The following RGS3 variants were observed in gnomAD, a reference collection of about 807,000 sequenced individuals.
RGS3 encodes regulator of G protein signaling 3, also known as regulator of G-protein signalling 3.
A neutral mutation model predicts 132.6 loss-of-function variants in RGS3; 80 were observed. The observed-to-expected ratio is 0.60, with a 90% CI of 0.50 to 0.73. The LOEUF (loss-of-function observed/expected upper bound fraction) is 0.73, where lower values mean the gene tolerates loss of function less well. Among genes scored for constraint, RGS3 ranks in the 30% least tolerant of loss-of-function variants. The pLI is 0.00. For synonymous variants in RGS3, 598 were observed against 620.6 expected, an observed-to-expected ratio of 0.96 and a Z score of 0.54; for missense variants, 1,382 against 1,530.8, an observed-to-expected ratio of 0.90 and a Z score of 1.62.
At chr9:113,513,881 C>T (rs908539041) in intron 14 of RGS3, among the ~76,000 whole-genome samples, 4 of 152,208 alleles carry the variant, frequency 2.6e-5, no homozygotes, top group African/African-American at 9.6e-5. Context: ...TTGGTCTCCG[C>T]TGCCACTGCT....
exon 20 of RGS3, chr9:113,583,942 G>A (rs773853984): frequency 6.2e-7 from 1 of 1,614,092 alleles, no homozygotes; most frequent in South Asian, 1.1e-5. Context: ...AGCAGCTACT[G>A]GGGACCCACC....
At chr9:113,464,628 G>T (rs1040061701) in intron 3 of RGS3, among the ~76,000 whole-genome samples, 3 of 152,196 alleles carry the variant, frequency 2.0e-5, no homozygotes, top group African/African-American at 7.2e-5. Context: ...TGTGGAGAGG[G>T]GTTATTTTTC....
intron 10 of RGS3, among the ~76,000 whole-genome samples, chr9:113,499,408 CAGGT>C (rs955891806): frequency 1.3e-5 from 2 of 152,224 alleles, no homozygotes; most frequent in African/African-American, 4.8e-5. Flanking sequence ...ACACAGCTGG[CAGGT>C]GGTGAAGGCA....
chr9:113,549,002 G>T (rs2118728966), intron 19 of RGS3, among the ~76,000 whole-genome samples: 1 of 152,292 alleles, frequency 6.6e-6, no homozygotes, highest in East Asian at 1.9e-4. Flanking sequence ...CCCCTCCCTT[G>T]CTGACTTGTC....
chr9:113,495,990 A>ATAGCAGCACTGTGTTTATTACCTGCC, intron 8 of RGS3, 144 bp downstream of exon 6: 2 of 745,522 alleles, frequency 2.7e-6, no homozygotes, highest in Non-Finnish European at 4.8e-6. Context: ...GGTGGCCTGC[A>ATAGCAGCACTGTGTTTATTACCTGCC]TAGCAGCACT....
At chr9:113,548,246 G>T (rs944234242) in intron 19 of RGS3, among the ~76,000 whole-genome samples, 2 of 152,188 alleles carry the variant, frequency 1.3e-5, no homozygotes, top group African/African-American at 4.8e-5. Flanking sequence ...CTGGGGGCAG[G>T]AAAGGGGTCA....
intron 5 of RGS3, 134 bp from the exon 4 acceptor site, chr9:113,484,004 C>T: frequency 1.8e-6 from 1 of 557,590 alleles, no homozygotes; most frequent in East Asian, 3.0e-5. Context: ...TGACAGGGGA[C>T]TCTATTCTGT....
At chr9:113,541,626 A>T in intron 19 of RGS3, 1 of 1,227,912 alleles carries the variant, frequency 8.1e-7, no homozygotes, top group Non-Finnish European at 1.0e-6. Flanking sequence ...CCTTGTGGGC[A>T]TGCAGAGACT....
intron 19 of RGS3, among the ~76,000 whole-genome samples, chr9:113,573,497 G>A (rs1834377470): frequency 6.6e-6 from 1 of 152,142 alleles, no homozygotes; most frequent in South Asian, 2.1e-4. Context: ...ATAGGAATTG[G>A]GATTCACCCC....
At chr9:113,526,890 C>T (rs1017252685) in intron 17 of RGS3, among the ~76,000 whole-genome samples, 2 of 152,192 alleles carry the variant, frequency 1.3e-5, no homozygotes, top group Non-Finnish European at 2.9e-5. Flanking sequence ...TCCTAGCCCC[C>T]AGTTCTAATG....
rs79263214 is a variant in RGS3 at position 113,474,193 on chromosome 9, A to G, written c.416-5298A>G. Among the ~76,000 whole-genome samples, 99 of 152,340 alleles carry G rather than the reference A, an allele frequency of 6.5e-4. 1 individual carries two copies. The highest frequency in any genetic ancestry group is 2.4e-3 in the African/African-American group (98 of 41,582). On this transcript the variant is annotated intron_variant, in intron 3 of 24. Coordinates refer to ENST00000350696, the Ensembl canonical transcript of RGS3. Reference sequence around the variant, plus strand: ...GTAAGGAAAAAGAGCTTGGGAAACTACATTAATATCAGCTTTCACAGGAAG... The same window carrying G: ...GTAAGGAAAAAGAGCTTGGGAAACTGCATTAATATCAGCTTTCACAGGAAG...
At chr9:113,461,101 T>A (rs1178446244) in intron 1 of RGS3, among the ~76,000 whole-genome samples, 1 of 152,158 alleles carries the variant, frequency 6.6e-6, no homozygotes, top group South Asian at 2.1e-4. Flanking sequence ...TGTTTATGTA[T>A]GTGTATATGT....
At chr9:113,447,323 G>GTGTATATATA (rs1829126189) in intron 1 of RGS3, among the ~76,000 whole-genome samples, 8 of 29,412 alleles carry the variant, frequency 2.7e-4, no homozygotes, top group Non-Finnish European at 5.4e-4. Context: ...TCTGATGTAT[G>GTGTATATATA]TATATGTATA....
At chr9:113,519,697 A>G (rs12351728) in intron 16 of RGS3, among the ~76,000 whole-genome samples, 27,575 of 151,400 alleles carry the variant, frequency 0.18, 2,584 homozygotes, top group African/African-American at 0.21. Flanking sequence ...TTTTACTGGG[A>G]AGGGCTAAAT....
Position 113,596,932 on chromosome 9 carries a change from G to A in RGS3, c.3576G>A (p.Lys1192=), listed in dbSNP as rs143981788. The change falls in exon 25 of 25, where the codon AAG becomes AAA. Residue 1192 remains lysine, a synonymous_variant. Coordinates refer to ENST00000350696, the Ensembl canonical transcript of RGS3. Reference sequence around the variant, plus strand: ...TCTACCTGGACCTTATTAACCAGAAGAAGATGAGTCCCCCGCTTTAGGGGC... The same window carrying A: ...TCTACCTGGACCTTATTAACCAGAAAAAGATGAGTCCCCCGCTTTAGGGGC... 1.9e-6 allele frequency: 3 copies of A among 1,610,242 alleles called. No homozygotes were observed. The African/African-American group carries it at 4.0e-5, about 22-fold the overall frequency.
chr9:113,569,363 A>T (rs758950101), intron 19 of RGS3, among the ~76,000 whole-genome samples: 28 of 152,068 alleles, frequency 1.8e-4, no homozygotes, highest in Non-Finnish European at 3.2e-4. Flanking sequence ...GCTGGCAGGA[A>T]CCTTGACAGC....
chr9:113,515,063 C>T (rs1457571263), intron 15 of RGS3, among the ~76,000 whole-genome samples: 1 of 152,160 alleles, frequency 6.6e-6, no homozygotes, highest in Non-Finnish European at 1.5e-5. Flanking sequence ...ATCTGCTCTC[C>T]CTGGTCTCTG....
chr9:113,456,309 C>T (rs958693102), upstream of RGS3, among the ~76,000 whole-genome samples: 3 of 152,194 alleles, frequency 2.0e-5, no homozygotes, highest in African/African-American at 7.2e-5. Flanking sequence ...CCATTATGTT[C>T]AACTGTTCAC....
intron 17 of RGS3, among the ~76,000 whole-genome samples, chr9:113,528,186 A>G (rs1832301782): frequency 6.6e-6 from 1 of 152,110 alleles, no homozygotes. Context: ...TTAAGCATTT[A>G]CTGTTTTACG....
Sources: gnomAD v4.1 joint callset for allele counts (sites outside exome capture counted in the v4.1 genomes callset) on GRCh38, gnomAD v4.1.1 for gene constraint, MANE v1.5 for transcripts, NCBI Gene and HGNC (gene_info 2026-07-23, HGNC 2026-07-21) for gene names.